The following SLC2A5 variants were observed in gnomAD, a reference collection of about 807,000 sequenced individuals.
The protein encoded by SLC2A5 is solute carrier family 2, facilitated glucose transporter member 5.
In SLC2A5, 56 loss-of-function variants were observed where a neutral mutation model predicts 50.3. That is an observed-to-expected ratio of 1.11 (90% CI 0.90 to 1.39). SLC2A5 has a LOEUF of 1.39. Ranked by LOEUF, SLC2A5 falls within the 40% of genes most tolerant of loss-of-function variation. The pLI is 0.00. For synonymous variants in SLC2A5, 269 were observed against 281.9 expected (o/e 0.95, Z 0.46); for missense variants, 566 against 650.1 (o/e 0.87, Z 1.41).
chr1:9,040,221 G>C lies in SLC2A5; in HGVS notation c.572-32C>G. On this transcript the variant is annotated intron_variant, in intron 5 of 11. Coordinates refer to ENST00000377424, the MANE Select transcript of SLC2A5 (RefSeq NM_003039.3). This position sits in a 1 kb window ranked among gnomAD's most constrained non-coding sequence, Gnocchi z 4.3. The stretch of plus-strand genomic sequence containing the variant: ...GGAAGGCAGCGAGCTGGCACCAGCG[G>C]CCTCCCCACCACCCCGAAGGCGCCC... The C allele has an allele frequency of 6.5e-7, 1 of 1,539,970 alleles. No individual in the cohort carries two copies. The highest frequency in any genetic ancestry group is 1.2e-5 in the South Asian group (1 of 83,594).
chr1:9,067,322 A>G (rs1335029103), intron 1 of SLC2A5, among the ~76,000 whole-genome samples: 2 of 152,186 alleles, frequency 1.3e-5, no homozygotes, highest in Non-Finnish European at 2.9e-5. Flanking sequence ...TCTGGCCCAG[A>G]GGAGGCTTCC....
At chr1:9,043,955 C>T (rs1299374840) in intron 4 of SLC2A5, among the ~76,000 whole-genome samples, 11 of 151,684 alleles carry the variant, frequency 7.3e-5, no homozygotes, top group Non-Finnish European at 1.3e-4. Flanking sequence ...CTCCCGACCT[C>T]AGGTGATCCA....
chr1:9,058,263 C>T lies in SLC2A5; in HGVS notation c.34-13G>A, dbSNP rs1641816265. 1.2e-6 allele frequency: 2 copies of T among 1,601,948 alleles called. No homozygotes were observed. Among genetic ancestry groups the T allele is most frequent in the Non-Finnish European group, 1.7e-6 (2 of 1,169,028 alleles). On this transcript the variant is annotated splice_polypyrimidine_tract_variant and intron_variant, in intron 1 of 11. Transcript: ENST00000377424. The stretch of plus-strand genomic sequence containing the variant: ...CAAGCGTCAGCCTCTGCAGAGATCA[C>T]AGCTTAGGTCAGGAAGCAGCCCCAG...
chr1:9,070,072 GTTTT>G (rs56828280), upstream of SLC2A5, among the ~76,000 whole-genome samples: 20 of 62,512 alleles, frequency 3.2e-4, no homozygotes, highest in South Asian at 6.7e-4. Context: ...CTCATTTTCT[GTTTT>G]TTTTTTTTTT....
intron 3 of SLC2A5, among the ~76,000 whole-genome samples, chr1:9,050,223 G>A (rs117730860): frequency 6.6e-6 from 1 of 151,984 alleles, no homozygotes; most frequent in East Asian, 1.9e-4. Context: ...TTTGCAGTGA[G>A]CTGAGATTAT....
chr1:9,063,245 T>C (rs1347365841), intron 1 of SLC2A5, among the ~76,000 whole-genome samples: 1 of 152,220 alleles, frequency 6.6e-6, no homozygotes, highest in Non-Finnish European at 1.5e-5. Flanking sequence ...TTTGTGTGTG[T>C]GTGTGTAGAG....
At chr1:9,050,760 C>A (rs1641552434) in intron 3 of SLC2A5, among the ~76,000 whole-genome samples, 1 of 151,736 alleles carries the variant, frequency 6.6e-6, no homozygotes, top group African/African-American at 2.4e-5. Flanking sequence ...AATCTTTAGC[C>A]AATAAAGACA....
chr1:9,082,958 C>A lies in SLC2A5; in HGVS notation c.-59+2056G>T, dbSNP rs532391676. The A allele has an allele frequency of 2.3e-5, 4 of 175,666 alleles. 1 individual carries two copies. The South Asian group carries it at 3.3e-4, about 14-fold the overall frequency. 10.9% of individuals were successfully genotyped at this position (175,666 alleles called of 1,614,324 possible). On this transcript the variant is annotated intron_variant, in intron 2 of 5. Transcript: ENST00000464985. ...AATGAGCAGTGACAGCTAATAGGCA[C>A]CTTTTCCTTTTGGGGTGAAGAAATA... is the stretch of plus-strand genomic sequence containing the variant.
chr1:9,070,812 T>C (rs1642197933), upstream of SLC2A5, among the ~76,000 whole-genome samples: 1 of 151,794 alleles, frequency 6.6e-6, no homozygotes, highest in Non-Finnish European at 1.5e-5. Context: ...TGGGAGACTG[T>C]GAGAAGCCTA....
At chr1:9,092,634 G>C (rs1642471266), upstream of SLC2A5, among the ~76,000 whole-genome samples, 1 of 152,020 alleles carries the variant, frequency 6.6e-6, no homozygotes, top group South Asian at 2.1e-4. Flanking sequence ...ATACCTTTTC[G>C]GGATGGGTTG....
chr1:9,087,260 A>G (rs1206032704), intron 1 of SLC2A5, among the ~76,000 whole-genome samples: 1 of 148,608 alleles, frequency 6.7e-6, no homozygotes, highest in Non-Finnish European at 1.5e-5. Context: ...GCTGGAGTGC[A>G]GTGGTGCAAT....
At chr1:9,081,326 C>T (rs1277981685) in intron 2 of SLC2A5, among the ~76,000 whole-genome samples, 1 of 146,898 alleles carries the variant, frequency 6.8e-6, no homozygotes, top group East Asian at 2.0e-4. Flanking sequence ...CACTTTTGTG[C>T]CTCAAAAGAC....
chr1:9,061,281 C>CAAA (rs148475993), intron 1 of SLC2A5, among the ~76,000 whole-genome samples: 86 of 111,458 alleles, frequency 7.7e-4, no homozygotes, highest in African/African-American at 2.7e-3. Flanking sequence ...GACCCTGTCT[C>CAAA]AAAAAAAAAA....
chr1:9,091,314 T>C (rs959732534), upstream of SLC2A5, among the ~76,000 whole-genome samples: 2 of 152,206 alleles, frequency 1.3e-5, no homozygotes, highest in African/African-American at 4.8e-5. Flanking sequence ...ATAGTTCTCA[T>C]AATCAGGCCC....
intron 2 of SLC2A5, among the ~76,000 whole-genome samples, chr1:9,084,149 A>AT (rs1642382212): frequency 1.3e-5 from 2 of 152,138 alleles, no homozygotes; most frequent in African/African-American, 4.8e-5. Context: ...CTCAAAAAAA[A>AT]AAAAATAATA....
chr1:9,093,835 T>C, the SLC2A5 span, among the ~76,000 whole-genome samples: 1 of 152,162 alleles, frequency 6.6e-6, no homozygotes, highest in African/African-American at 2.4e-5. Context: ...CACCCCTTCA[T>C]GACCTTTTAA....
At chr1:9,085,072 C>G (rs947570345) in exon 2 of SLC2A5, 1 of 152,508 alleles carries the variant, frequency 6.6e-6, no homozygotes, top group African/African-American at 2.4e-5. Flanking sequence ...CACTGGCTGA[C>G]TGCCACAGCA....
chr1:9,038,560 C>G, intron 9 of SLC2A5, 54 bp from the exon 10 acceptor site: 1 of 1,516,078 alleles, frequency 6.6e-7, no homozygotes, highest in Non-Finnish European at 9.1e-7. Flanking sequence ...GGACGGGACC[C>G]CAGGGGGCGG....
chr1:9,038,629 C>G, intron 9 of SLC2A5, 123 bp from the exon 10 acceptor site: 1 of 1,239,362 alleles, frequency 8.1e-7, no homozygotes, highest in Non-Finnish European at 1.1e-6. Context: ...AGTGCCACCT[C>G]GATGAGCCAC....
Sources: allele counts gnomAD v4.1 joint callset (sites outside exome capture counted in the v4.1 genomes callset), GRCh38; gene constraint gnomAD v4.1.1; non-coding constraint Gnocchi (gnomAD v3.1); transcripts MANE v1.5; gene names NCBI Gene and HGNC (gene_info 2026-07-23, HGNC 2026-07-21).